Variants in PLPP3 observed in about 807,000 individuals in gnomAD.
PLPP3 encodes phospholipid phosphatase 3.
Under a neutral mutation model 29.6 loss-of-function variants are expected in PLPP3, and 6 were observed. The ratio of observed to expected loss-of-function variants is 0.20; its 90% CI spans 0.11 to 0.40. The LOEUF is 0.40. PLPP3 is among the 10% of genes least tolerant of loss of function. PLPP3 has a pLI of 1.00. For synonymous variants in PLPP3, 152 were observed against 159.7 expected, an observed-to-expected ratio of 0.95 and a Z score of 0.36; for missense variants, 308 against 407.7, an observed-to-expected ratio of 0.76 and a Z score of 2.11.
chr1:56,573,304 G>T (rs1385290592), intron 1 of PLPP3, among the ~76,000 whole-genome samples: 1 of 152,182 alleles, frequency 6.6e-6, no homozygotes, highest in Non-Finnish European at 1.5e-5. Flanking sequence ...CTTCAGGTCT[G>T]CATCCAGGGG....
chr1:56,552,799 C>T (rs1230207032), intron 1 of PLPP3, among the ~76,000 whole-genome samples: 1 of 152,128 alleles, frequency 6.6e-6, no homozygotes, highest in Non-Finnish European at 1.5e-5. Flanking sequence ...GCCTGAGAAA[C>T]ATATGGCTTC....
rs533584175 is a variant in PLPP3, at chr1:56,512,442, T to C, written c.634-290A>G. ...GTCTGGCCAACATAGTGAAACCTCA[T>C]CTGTAATAAAAATACAAAAATTATC... On this transcript the variant is annotated intron_variant, in intron 4 of 5. Coordinates refer to ENST00000371250, the MANE Select transcript of PLPP3 (RefSeq NM_003713.5). 75 of 259,406 alleles carry C rather than the reference T, an allele frequency of 2.9e-4. 1 individual carries two copies. The highest frequency in any genetic ancestry group is 1.4e-4 in the Non-Finnish European group (19 of 137,626). The allele number at this position is 259,406 out of a possible 1,614,324, so 16.1% of individuals were successfully genotyped here.
At chr1:56,557,268 C>T (rs1287542682) in intron 1 of PLPP3, among the ~76,000 whole-genome samples, 1 of 151,308 alleles carries the variant, frequency 6.6e-6, no homozygotes. Context: ...ACCCCAGCTA[C>T]TCGGGAGGTT....
At position 56,542,162 on chromosome 1, in the gene PLPP3, C is replaced by A. The variant is rs555361156; in HGVS notation, c.140-5050G>T. 3.9e-5 allele frequency among the ~76,000 whole-genome samples: 6 copies of A among 152,102 alleles called. No individual in the cohort carries two copies. In the South Asian group the frequency reaches 6.2e-4, roughly 16 times the overall value. On this transcript the variant is annotated intron_variant, in intron 1 of 5. Transcript: ENST00000371250. Reference sequence around the variant, plus strand: ...CATAAAATCAAAGCATGAAGAAAGGCCCCTGTGTTGGGTTCAGGCCTTTGA... The same window carrying A: ...CATAAAATCAAAGCATGAAGAAAGGACCCTGTGTTGGGTTCAGGCCTTTGA...
chr1:56,522,082 C>T (rs1645823059), intron 4 of PLPP3, among the ~76,000 whole-genome samples: 1 of 152,158 alleles, frequency 6.6e-6, no homozygotes, highest in Non-Finnish European at 1.5e-5. Flanking sequence ...TAAAACAATG[C>T]TGGAGTCTGG....
At chr1:56,523,269 T>C (rs1370175111) in intron 4 of PLPP3, among the ~76,000 whole-genome samples, 1 of 152,200 alleles carries the variant, frequency 6.6e-6, no homozygotes, top group African/African-American at 2.4e-5. Context: ...TATAGAGGAC[T>C]GACATGGTGA....
intron 2 of PLPP3, among the ~76,000 whole-genome samples, chr1:56,531,220 G>A (rs1483635728): frequency 2.0e-5 from 3 of 152,146 alleles, no homozygotes; most frequent in African/African-American, 4.8e-5. Context: ...CAGACAATCT[G>A]CAGCATCTGA....
intron 2 of PLPP3, among the ~76,000 whole-genome samples, chr1:56,534,334 C>T (rs994954701): frequency 6.6e-6 from 1 of 152,156 alleles, no homozygotes; most frequent in African/African-American, 2.4e-5. Flanking sequence ...TCCATATCTC[C>T]TGCCATTGAA....
At chr1:56,522,967 AG>A (rs764634838) in intron 4 of PLPP3, among the ~76,000 whole-genome samples, 10 of 152,166 alleles carry the variant, frequency 6.6e-5, no homozygotes, top group Non-Finnish European at 1.0e-4. Context: ...GGAGGCAAGC[AG>A]GGCACTTCAC....
rs550674385 is a variant in PLPP3 at position 56,512,146 on chromosome 1, G to A, written c.640C>T (p.Leu214=). 8.8e-6 allele frequency: 14 copies of A among 1,594,474 alleles called. No individual in the cohort carries two copies. The highest frequency in any genetic ancestry group is 6.8e-5 in the African/African-American group (5 of 73,842). ...CCTCGCCAAGTGAAGCGGGCCTGCA[G>A]GTATAGCTGGAGAAAGGAGACAAAA... ...MYTMLYLVLY[L]QARFTWRGAR... is the part of the protein sequence containing the mutation. Residue 214 remains leucine, a synonymous_variant, in exon 5 of 6, where the codon CTG becomes TTG. Transcript: ENST00000371250.
At chr1:56,533,277 A>C (rs1443372953) in intron 2 of PLPP3, among the ~76,000 whole-genome samples, 1 of 151,770 alleles carries the variant, frequency 6.6e-6, no homozygotes, top group Non-Finnish European at 1.5e-5. Flanking sequence ...CTGGTCTCGG[A>C]CTCCTGACCT....
In PLPP3 at chr1:56,524,585, G is replaced by A. The variant is rs1557503205; in HGVS notation, c.298-31C>T. 4 of 1,590,552 alleles carry A rather than the reference G, an allele frequency of 2.5e-6. No individual in the cohort carries two copies. The highest frequency in any genetic ancestry group is 3.4e-6 in the Non-Finnish European group (4 of 1,161,362). Reference sequence around the variant, plus strand: ...AGGAATCCAACAGGGGAATTAGGCAGTATCAAGATTCATCATCAACACTGA... The same window carrying A: ...AGGAATCCAACAGGGGAATTAGGCAATATCAAGATTCATCATCAACACTGA... On this transcript the variant is annotated intron_variant, in intron 2 of 5. Coordinates refer to ENST00000371250, the MANE Select transcript of PLPP3 (RefSeq NM_003713.5). This position sits in a 1 kb window ranked among gnomAD's most constrained non-coding sequence, Gnocchi z 4.3.
chr1:56,518,497 T>C (rs1318330042), intron 4 of PLPP3, among the ~76,000 whole-genome samples: 1 of 151,930 alleles, frequency 6.6e-6, no homozygotes, highest in Non-Finnish European at 1.5e-5. Flanking sequence ...TAGCAATCTA[T>C]CAAGTCCGTG....
At chr1:56,505,809 A>C (rs548494108) in intron 5 of PLPP3, among the ~76,000 whole-genome samples, 2 of 152,352 alleles carry the variant, frequency 1.3e-5, no homozygotes, top group South Asian at 4.1e-4. Flanking sequence ...GAGGGAGTCA[A>C]AAGTTCTATT....
chr1:56,496,596 T>G lies in PLPP3; in HGVS notation c.891A>C (p.Ser297=). 3.1e-6 allele frequency: 5 copies of G among 1,614,038 alleles called. No individual in the cohort carries two copies. Among genetic ancestry groups the G allele is most frequent in the Non-Finnish European group, 4.2e-6 (5 of 1,179,956 alleles). ...TGTTCCTGTCAATAATGTCCACAGGTGAAAGGATTTCCTTCCGGATAGCAG... is the reference window on the plus strand; with the variant it reads ...TGTTCCTGTCAATAATGTCCACAGGGGAAAGGATTTCCTTCCGGATAGCAG... The part of the protein sequence containing the change: ...PAPAIRKEIL[S]PVDIIDRNNH... The change falls in exon 6 of 6, where the codon TCA becomes TCC. Residue 297 remains serine, a synonymous_variant. Transcript: ENST00000371250.
intron 2 of PLPP3, among the ~76,000 whole-genome samples, chr1:56,532,453 G>T (rs938930933): frequency 6.6e-6 from 1 of 152,066 alleles, no homozygotes; most frequent in Non-Finnish European, 1.5e-5. Flanking sequence ...TCTTGGCAGG[G>T]CTCTTGTAGA....
intron 2 of PLPP3, among the ~76,000 whole-genome samples, chr1:56,535,964 A>G (rs946082012): frequency 2.6e-5 from 4 of 152,170 alleles, no homozygotes; most frequent in Non-Finnish European, 4.4e-5. Flanking sequence ...TCAATGATCC[A>G]CCTAATTCAC....
At chr1:56,520,023 T>A (rs1381453249) in intron 4 of PLPP3, among the ~76,000 whole-genome samples, 1 of 152,170 alleles carries the variant, frequency 6.6e-6, no homozygotes, top group Non-Finnish European at 1.5e-5. Flanking sequence ...TCTTGATGGC[T>A]CCCCATCTTC....
At chr1:56,528,006 C>G (rs1198706638) in intron 2 of PLPP3, among the ~76,000 whole-genome samples, 1 of 152,158 alleles carries the variant, frequency 6.6e-6, no homozygotes, top group Non-Finnish European at 1.5e-5. Flanking sequence ...TCCCAGACTC[C>G]TGCCCCTAGA....
Sources: allele counts gnomAD v4.1 joint callset (sites outside exome capture counted in the v4.1 genomes callset), GRCh38; gene constraint gnomAD v4.1.1; non-coding constraint Gnocchi (gnomAD v3.1); transcripts MANE v1.5; gene names NCBI Gene and HGNC (gene_info 2026-07-23, HGNC 2026-07-21).